TSPAN5: variants seen among roughly 807,000 people sequenced by gnomAD.
TSPAN5 encodes the protein tetraspanin-5.
TSPAN5 carries 10 observed loss-of-function variants against 37.1 expected under a neutral mutation model. The observed-to-expected ratio is 0.27, with a 90% CI of 0.17 to 0.46. The LOEUF (loss-of-function observed/expected upper bound fraction) is 0.46, where lower values mean the gene tolerates loss of function less well. Ranked by LOEUF, TSPAN5 falls within the 20% of genes least tolerant of loss-of-function variation. TSPAN5 has a pLI of 1.00. For missense variants in TSPAN5, 195 were observed against 326.6 expected, an observed-to-expected ratio of 0.60 and a Z score of 3.11; for synonymous variants, 110 against 118.9, an observed-to-expected ratio of 0.93 and a Z score of 0.48.
At chr4:98,509,885 G>T (rs1753566890) in intron 1 of TSPAN5, 1 of 152,196 alleles carries the variant, frequency 6.6e-6, no homozygotes, top group Admixed American at 6.5e-5. Context: ...ACAGAGTTAA[G>T]GCTTTGACTT....
chr4:98,474,178 A>G (rs1175504785), intron 7 of TSPAN5, among the ~76,000 whole-genome samples: 1 of 152,164 alleles, frequency 6.6e-6, no homozygotes, highest in Admixed American at 6.5e-5. Flanking sequence ...ATTAGCTCTT[A>G]TATTTAGGTC....
chr4:98,616,275 C>A (rs1009488491), intron 1 of TSPAN5, among the ~76,000 whole-genome samples: 1 of 152,046 alleles, frequency 6.6e-6, no homozygotes, highest in African/African-American at 2.4e-5. Flanking sequence ...TAAGAGGTGA[C>A]CCCTTATGAA....
At chr4:98,485,365 G>A (rs1034412934) in intron 3 of TSPAN5, 1 of 152,256 alleles carries the variant, frequency 6.6e-6, no homozygotes, top group African/African-American at 2.4e-5. Context: ...GGTTGTGTGT[G>A]TATGAGAGAG....
intron 1 of TSPAN5, among the ~76,000 whole-genome samples, chr4:98,604,983 G>A (rs1225118958): frequency 2.0e-5 from 3 of 152,132 alleles, no homozygotes; most frequent in Non-Finnish European, 4.4e-5. Context: ...TGACTCAGTA[G>A]ATCCCAAACT....
chr4:98,637,758 T>TG (rs1756887089), intron 1 of TSPAN5, among the ~76,000 whole-genome samples: 1 of 152,260 alleles, frequency 6.6e-6, no homozygotes, highest in Non-Finnish European at 1.5e-5. Context: ...ATTAACTGCA[T>TG]AACTTAATTA....
At chr4:98,632,726 T>C (rs1756774909) in intron 1 of TSPAN5, among the ~76,000 whole-genome samples, 1 of 152,150 alleles carries the variant, frequency 6.6e-6, no homozygotes, top group South Asian at 2.1e-4. Context: ...ATGTATGCTC[T>C]GAAGGAAAAG....
intron 3 of TSPAN5, chr4:98,486,527 T>G: frequency 1.8e-6 from 1 of 542,936 alleles, no homozygotes; most frequent in Non-Finnish European, 3.2e-6. Context: ...ATGGATGGCA[T>G]GGTGGGGTGG....
In TSPAN5 at chr4:98,476,182, ATC is replaced by A. The variant is rs767672769; in HGVS notation, c.741+5_741+6del. The stretch of plus-strand genomic sequence containing the variant: ...CCTGTGATATCCATAAAGGACCCTT[ATC>A]TTACCTGCAGCAATGCAATGCCTAT... On this transcript the variant is annotated splice_donor_5th_base_variant and intron_variant, in intron 7 of 7. Coordinates refer to ENST00000305798, the MANE Select transcript of TSPAN5 (RefSeq NM_005723.4). 1.9e-5 allele frequency: 31 copies of A among 1,608,438 alleles called. No individual in the cohort carries two copies. Among genetic ancestry groups the A allele is most frequent in the Non-Finnish European group, 2.6e-5 (31 of 1,174,942 alleles).
intron 1 of TSPAN5, among the ~76,000 whole-genome samples, chr4:98,540,172 T>C (rs897681228): frequency 2.6e-5 from 4 of 152,208 alleles, no homozygotes; most frequent in South Asian, 2.1e-4. Context: ...TATATAGCAA[T>C]AGATAACTCA....
intron 5 of TSPAN5, among the ~76,000 whole-genome samples, chr4:98,477,476 C>T (rs1384546225): frequency 2.0e-5 from 3 of 152,110 alleles, no homozygotes; most frequent in Non-Finnish European, 2.9e-5. Context: ...AGGAGCATCC[C>T]CACTGAGCTC....
intron 2 of TSPAN5, among the ~76,000 whole-genome samples, chr4:98,488,191 A>G (rs1488841656): frequency 1.3e-5 from 2 of 152,198 alleles, no homozygotes; most frequent in Admixed American, 1.3e-4. Flanking sequence ...AAACCAGTAC[A>G]CAATGTCTAT....
chr4:98,539,553 C>A (rs2110139441), intron 1 of TSPAN5, among the ~76,000 whole-genome samples: 1 of 152,276 alleles, frequency 6.6e-6, no homozygotes, highest in East Asian at 1.9e-4. Context: ...CATGCCTCAA[C>A]ATTGCATTCC....
intron 1 of TSPAN5, among the ~76,000 whole-genome samples, chr4:98,541,091 C>T (rs943272479): frequency 6.6e-6 from 1 of 152,160 alleles, no homozygotes; most frequent in African/African-American, 2.4e-5. Flanking sequence ...AACTTCCTTA[C>T]CCATAAAATA....
At chr4:98,547,004 C>G (rs1425583864) in intron 1 of TSPAN5, among the ~76,000 whole-genome samples, 1 of 152,228 alleles carries the variant, frequency 6.6e-6, no homozygotes, top group Admixed American at 6.5e-5. Flanking sequence ...AGCAGCTCCC[C>G]AGGCACACGG....
At chr4:98,586,439 C>G (rs1351597268) in intron 1 of TSPAN5, among the ~76,000 whole-genome samples, 4 of 151,940 alleles carry the variant, frequency 2.6e-5, no homozygotes, top group Admixed American at 2.6e-4. Flanking sequence ...GGCATGGTTT[C>G]CAAGGTAACA....
chr4:98,565,540 C>T (rs1380947438), intron 1 of TSPAN5, among the ~76,000 whole-genome samples: 2 of 152,160 alleles, frequency 1.3e-5, no homozygotes, highest in Non-Finnish European at 2.9e-5. Flanking sequence ...CCTCTTGAAA[C>T]TGAATTGCTG....
intron 1 of TSPAN5, among the ~76,000 whole-genome samples, chr4:98,636,374 AAT>A (rs1398279099): frequency 6.6e-6 from 1 of 152,198 alleles, no homozygotes; most frequent in Non-Finnish European, 1.5e-5. Context: ...TGGATGAGAA[AAT>A]ATGAGAGGTG....
At chr4:98,627,258 T>C (rs1394679748) in intron 1 of TSPAN5, among the ~76,000 whole-genome samples, 1 of 152,100 alleles carries the variant, frequency 6.6e-6, no homozygotes, top group Non-Finnish European at 1.5e-5. Flanking sequence ...ATATGACAGC[T>C]GGGTATGAGT....
At chr4:98,511,383 A>G (rs1753600911) in intron 1 of TSPAN5, among the ~76,000 whole-genome samples, 1 of 152,222 alleles carries the variant, frequency 6.6e-6, no homozygotes, top group Admixed American at 6.5e-5. Context: ...CACCTAGGCT[A>G]TATGGTATAG....
Sources: gnomAD v4.1 joint callset for allele counts (sites outside exome capture counted in the v4.1 genomes callset) on GRCh38, gnomAD v4.1.1 for gene constraint, MANE v1.5 for transcripts, NCBI Gene and HGNC (gene_info 2026-07-23, HGNC 2026-07-21) for gene names.